GBP5: variants seen among roughly 807,000 people sequenced by gnomAD.
GBP5 encodes the protein guanylate-binding protein 5.
Under a neutral mutation model 58.2 loss-of-function variants are expected in GBP5, and 48 were observed. The observed-to-expected ratio is 0.83, with a 90% CI of 0.65 to 1.05. GBP5 has a LOEUF of 1.05. GBP5 is among the 50% of genes least tolerant of loss of function. GBP5 has a pLI of 0.00. For synonymous variants in GBP5, 248 were observed against 251.8 expected (o/e 0.98, Z 0.14); for missense variants, 714 against 686.8 (o/e 1.04, Z -0.44).
intron 1 of GBP5, 179 bp downstream of exon 1, chr1:89,272,273 C>A (rs1268927907): frequency 6.6e-6 from 1 of 152,178 alleles, no homozygotes; most frequent in Non-Finnish European, 1.5e-5. Context: ...TCTAATTCAG[C>A]AAGAGGCAGA....
Position 89,265,019 on chromosome 1 carries a change from T to C in GBP5, c.869-53A>G, listed in dbSNP as rs145875084. ...TATTTGCAAAGGAAGAAGACATGAT[T>C]GATACAGTAATTTCTGAGAACGTAC... On this transcript the variant is annotated intron_variant, in intron 7 of 11. Transcript: ENST00000370459. 30 of 1,503,562 alleles carry C rather than the reference T, an allele frequency of 2.0e-5. No homozygotes were observed. In the East Asian group the frequency reaches 5.5e-4, roughly 27 times the overall value. The allele number at this position is 1,503,562 out of a possible 1,614,324, so 93.1% of individuals were successfully genotyped here.
At chr1:89,270,497 A>G (rs1650400102) in intron 2 of GBP5, 1 of 152,218 alleles carries the variant, frequency 6.6e-6, no homozygotes, top group South Asian at 2.1e-4. Flanking sequence ...CTGTCATTTT[A>G]CAATTATGAA....
chr1:89,260,766 G>A lies in GBP5; in HGVS notation c.1699C>T (p.Leu567Phe). 6.2e-7 allele frequency: 1 copy of A among 1,614,120 alleles called. No individual in the cohort carries two copies. The change falls in exon 12 of 12, where the codon CTC becomes TTC. Residue 567 changes from leucine to phenylalanine, a missense_variant. By Grantham distance (22) the Leu-to-Phe change is conservative. Transcript: ENST00000370459. Reference sequence around the variant, plus strand: ...CTCTGGGCGTGCTGGAGCTCACTGAGAAGGCTTCTATTTTGAGCTTGGAAT... The same window carrying A: ...CTCTGGGCGTGCTGGAGCTCACTGAAAAGGCTTCTATTTTGAGCTTGGAAT... Reference protein sequence around the residue: ...TTFQAQNRSLLSELQHAQRTV... With the variant: ...TTFQAQNRSLFSELQHAQRTV...
rs1649803953 is a variant in GBP5 at position 89,256,726 on chromosome 1, T to C, written c.*3978A>G. 1.3e-5 allele frequency among the ~76,000 whole-genome samples: 2 copies of C among 152,240 alleles called. No homozygotes were observed. The highest frequency in any genetic ancestry group is 2.1e-4 in the South Asian group (1 of 4,834). Reference sequence around the variant, plus strand: ...TTCTTCAAATGCATTTTCATAGTTTTACATTTTATATTTTATCAATTTGGG... The same window carrying C: ...TTCTTCAAATGCATTTTCATAGTTTCACATTTTATATTTTATCAATTTGGG... On this transcript the variant is annotated 3_prime_UTR_variant, in exon 12 of 12. Coordinates refer to ENST00000370459, the MANE Select transcript of GBP5 (RefSeq NM_052942.5).
At chr1:89,272,314 T>C (rs1650490850) in intron 1 of GBP5, 138 bp downstream of exon 1, 1 of 152,276 alleles carries the variant, frequency 6.6e-6, no homozygotes. Flanking sequence ...TTCTGCTGCC[T>C]GTCTGATAAG....
intron 3 of GBP5, 99 bp downstream of exon 3, chr1:89,269,267 T>C (rs1570417345): frequency 1.7e-6 from 2 of 1,199,086 alleles, no homozygotes; most frequent in Admixed American, 4.1e-5. Context: ...GCTTTTAATA[T>C]TCATCCTCAT....
rs1557500607 is a variant in GBP5 at position 89,262,670 on chromosome 1, A to ACTTTCTTCTCAC, written c.1465+1_1465+12dup. On this transcript the variant is annotated intron_variant, in intron 10 of 11. Coordinates refer to ENST00000370459, the MANE Select transcript of GBP5 (RefSeq NM_052942.5). ...TTTCTTTCTATCTTGCATAATTTCC[A>ACTTTCTTCTCAC]CTTTCTTCTCACCTTTCTTCTTTTT... The ACTTTCTTCTCAC allele has an allele frequency of 6.5e-7, 1 of 1,542,628 alleles. No individual in the cohort carries two copies. Among genetic ancestry groups the ACTTTCTTCTCAC allele is most frequent in the Admixed American group, 1.7e-5 (1 of 59,558 alleles).
At chr1:89,262,964 C>T in intron 9 of GBP5, 179 bp from the exon 10 acceptor site, 5 of 453,216 alleles carry the variant, frequency 1.1e-5, no homozygotes, top group South Asian at 8.1e-5. Flanking sequence ...GGTGGAACTG[C>T]CAATTGAGAC....
Position 89,264,849 on chromosome 1 carries a change from G to A in GBP5, c.986C>T (p.Ala329Val), listed in dbSNP as rs1650146498. The A allele has an allele frequency of 6.2e-7, 1 of 1,614,076 alleles. No homozygotes were observed. The highest frequency in any genetic ancestry group is 8.5e-7 in the Non-Finnish European group (1 of 1,180,050). Residue 329 changes from alanine (A) to valine (V), a missense_variant, in exon 8 of 12, where the codon GCC (alanine) becomes GTC (valine). By Grantham distance (64) the Ala-to-Val change is moderately conservative. Coordinates refer to ENST00000370459, the MANE Select transcript of GBP5 (RefSeq NM_052942.5). Reference protein sequence around the residue: ...QRENSAAVQKAIAHYDQQMGQ... With the variant: ...QRENSAAVQKVIAHYDQQMGQ... ...CATTTGCTGGTCATAGTGGGCAATG[G>A]CCTTTTGCACTGCAGCTGAGTTCTC...
Position 89,268,753 on chromosome 1 carries a change from G to C in GBP5, c.294C>G (p.Thr98=), listed in dbSNP as rs776475520. 2 of 1,613,778 alleles carry C rather than the reference G, an allele frequency of 1.2e-6. No individual in the cohort carries two copies. The highest frequency in any genetic ancestry group is 2.2e-5 in the East Asian group (1 of 44,864). The part of the protein sequence containing the change: ...WPNHTLVLLD[T]EGLGDVEKAD... ...CCTTCTCTACATCTCCCAGGCCCTCGGTGTCAAGCAGAACTAATGTGTGAT... is the reference window on the plus strand; with the variant it reads ...CCTTCTCTACATCTCCCAGGCCCTCCGTGTCAAGCAGAACTAATGTGTGAT... Residue 98 remains threonine (T), a synonymous_variant, in exon 4 of 12, where the codon ACC becomes ACG. Coordinates refer to ENST00000370459, the MANE Select transcript of GBP5 (RefSeq NM_052942.5).
chr1:89,271,998 C>T (rs1029961276), intron 1 of GBP5: 2 of 152,190 alleles, frequency 1.3e-5, no homozygotes, highest in African/African-American at 4.8e-5. Context: ...TGAAACTTCT[C>T]TCTGGGCAAC....
Position 89,266,601 on chromosome 1 carries a change from A to C in GBP5, c.626-13T>G. On this transcript the variant is annotated splice_polypyrimidine_tract_variant and intron_variant, in intron 6 of 11. Coordinates refer to ENST00000370459, the MANE Select transcript of GBP5 (RefSeq NM_052942.5). ...CTTTGATCACTACCTGGAGAATAAA[A>C]AATAGGATTTATTTAGCATAGACTT... 2.5e-6 allele frequency: 4 copies of C among 1,601,552 alleles called. No individual in the cohort carries two copies. Among genetic ancestry groups the C allele is most frequent in the Non-Finnish European group, 3.4e-6 (4 of 1,172,474 alleles).
At chr1:89,268,946 A>G (rs960702154) in intron 3 of GBP5, 90 bp from the exon 4 acceptor site, 2 of 1,299,238 alleles carry the variant, frequency 1.5e-6, no homozygotes, top group Non-Finnish European at 2.2e-6. Flanking sequence ...AAGGAAAGCA[A>G]GATGAGGAGA....
At position 89,263,804 on chromosome 1, in the gene GBP5, T is replaced by C; in HGVS notation, c.1294A>G (p.Asn432Asp). 1.2e-6 allele frequency: 2 copies of C among 1,613,884 alleles called. No individual in the cohort carries two copies. Among genetic ancestry groups the C allele is most frequent in the Non-Finnish European group, 1.7e-6 (2 of 1,179,942 alleles). Residue 432 changes from asparagine to aspartate, a missense_variant, in exon 9 of 12, where the codon AAT becomes GAT. Coordinates refer to ENST00000370459, the MANE Select transcript of GBP5 (RefSeq NM_052942.5). ...QGIYSKPGGH[N>D]LFIQKTEELK... ...TCTTCTGTTTTCTGAATGAAGAGAT[T>C]ATGGCCTCCTGGCTTAGAATAAATT...
chr1:89,265,118 G>A, intron 7 of GBP5, 152 bp from the exon 8 acceptor site: 3 of 691,124 alleles, frequency 4.3e-6, no homozygotes, highest in Middle Eastern at 2.7e-4. Flanking sequence ...AGTTTATTTG[G>A]GAAACTGTGC....
At chr1:89,266,917 A>G (rs182064187) in intron 6 of GBP5, 40 bp downstream of exon 6, 1 of 1,405,882 alleles carries the variant, frequency 7.1e-7, no homozygotes, top group African/African-American at 1.5e-5. Context: ...TTCTTAGATT[A>G]CTTTTTTAAA....
In GBP5 at chr1:89,267,104, G is replaced by A. The variant is rs762751814; in HGVS notation, c.478C>T (p.Leu160Phe). 1 of 1,609,392 alleles carries A rather than the reference G, an allele frequency of 6.2e-7. No homozygotes were observed. Among genetic ancestry groups the A allele is most frequent in the Non-Finnish European group, 8.5e-7 (1 of 1,178,882 alleles). ...TCAGCAGGATCTTCAACCCTGTCAA[G>A]GTCGGGTGAGTTTCTTGCCTTGAGC... ...DLLKARNSPD[L>F]DRVEDPADSA... Residue 160 changes from leucine (L) to phenylalanine (F), a missense_variant, in exon 6 of 12, where the codon CTT (leucine) becomes TTT (phenylalanine). Leu to Phe is a conservative substitution (Grantham distance 22). Coordinates refer to ENST00000370459, the MANE Select transcript of GBP5 (RefSeq NM_052942.5).
At chr1:89,270,532 A>G (rs1438282486) in intron 2 of GBP5, 1 of 152,208 alleles carries the variant, frequency 6.6e-6, no homozygotes, top group Non-Finnish European at 1.5e-5. Context: ...GCTTCCTCAT[A>G]GCTAATGCCC....
chr1:89,259,084 A>G lies in GBP5; in HGVS notation c.*1620T>C, dbSNP rs958992204. The G allele has an allele frequency of 1.3e-5, 2 of 152,330 alleles. No individual in the cohort carries two copies. The highest frequency in any genetic ancestry group is 3.9e-4 in the East Asian group (2 of 5,186). The allele number at this position is 152,330 out of a possible 1,614,324, so 9.4% of individuals were successfully genotyped here. A position where few individuals can be genotyped will look rare whatever the true frequency, so the allele number is the denominator to read the frequency against. ...AGAATTAAGATCATTTAACTTTAGC[A>G]CTATAAGCAAGCATTAAATTAAATG... is the stretch of plus-strand genomic sequence containing the variant. On this transcript the variant is annotated 3_prime_UTR_variant, in exon 12 of 12. Coordinates refer to ENST00000370459, the MANE Select transcript of GBP5 (RefSeq NM_052942.5).
Sources: allele counts gnomAD v4.1 joint callset (sites outside exome capture counted in the v4.1 genomes callset), GRCh38; gene constraint gnomAD v4.1.1; transcripts MANE v1.5; gene names NCBI Gene and HGNC (gene_info 2026-07-23, HGNC 2026-07-21).